RFX1: variants seen among roughly 807,000 people sequenced by gnomAD.
RFX1 encodes the protein regulatory factor X1.
RFX1 carries 42 observed loss-of-function variants against 119.6 expected under a neutral mutation model. That is an observed-to-expected ratio of 0.35 (90% CI 0.27 to 0.45). The LOEUF is 0.45. Ranked by LOEUF, RFX1 falls within the 20% of genes least tolerant of loss-of-function variation. The probability of loss-of-function intolerance (pLI) is 1.00; values close to 1 mark genes in which losing one functional copy is unlikely to be tolerated. For synonymous variants in RFX1, 628 were observed against 618.5 expected (o/e 1.02, Z -0.23); for missense variants, 1,118 against 1,368.1 (o/e 0.82, Z 2.88).
At position 13,993,567 on chromosome 19, in the gene RFX1, G is replaced by C. The variant is rs1974877058; in HGVS notation, c.277C>G (p.Pro93Ala). The stretch of plus-strand genomic sequence containing the variant: ...ATGTACTGCTGGGGTGCAGGCGAAG[G>C]GGTGGGTGCACCGGTTGGCTGCGAG... ...APSQPTGAPT[P>A]SPAPQQYIVV... The change falls in exon 2 of 21, where the codon CCT becomes GCT. Residue 93 changes from proline (P) to alanine (A), a missense_variant. Coordinates refer to ENST00000254325, the MANE Select transcript of RFX1 (RefSeq NM_002918.5). 1 of 1,613,178 alleles carries C rather than the reference G, an allele frequency of 6.2e-7. No individual in the cohort carries two copies. Among genetic ancestry groups the C allele is most frequent in the Non-Finnish European group, 8.5e-7 (1 of 1,179,674 alleles).
At chr19:13,982,815 C>T (rs920594217) in intron 4 of RFX1, among the ~76,000 whole-genome samples, 4 of 152,168 alleles carry the variant, frequency 2.6e-5, no homozygotes, top group East Asian at 1.9e-4. Context: ...CAGTCGGAAA[C>T]GGGTGTGCGC....
rs754463267 is a variant in RFX1, at chr19:13,965,827, C to T, written c.1962-50G>A. The T allele has an allele frequency of 8.2e-6, 13 of 1,592,752 alleles. No individual in the cohort carries two copies. The highest frequency in any genetic ancestry group is 5.1e-5 in the Admixed American group (3 of 59,340). The stretch of plus-strand genomic sequence containing the variant: ...GTCACTGGGGTACTCTATGGTCCTG[C>T]CCCCATCGTCAGAAGGGAACAGGTA... On this transcript the variant is annotated intron_variant, in intron 14 of 20. Coordinates refer to ENST00000254325, the MANE Select transcript of RFX1 (RefSeq NM_002918.5). This position sits in a 1 kb window ranked among gnomAD's most constrained non-coding sequence, Gnocchi z 4.7.
Position 13,983,658 on chromosome 19 carries a change from C to G in RFX1, c.320-63G>C, listed in dbSNP as rs569068003. The G allele has an allele frequency of 2.9e-6, 4 of 1,400,330 alleles. No homozygotes were observed. In the East Asian group the frequency reaches 7.4e-5, roughly 26 times the overall value. The allele number at this position is 1,400,330 out of a possible 1,614,324, so 86.7% of individuals were successfully genotyped here. A position where few individuals can be genotyped will look rare whatever the true frequency, so the allele number is the denominator to read the frequency against. On this transcript the variant is annotated intron_variant, in intron 2 of 20. Transcript: ENST00000254325. ...TCCCTGCCCCCAGCCTAAGCCTGAG[C>G]CCCCCTGGAGGGGAAGATGCAGCCT...
intron 8 of RFX1, among the ~76,000 whole-genome samples, chr19:13,976,771 CGGGA>C (rs1026543182): frequency 2.0e-5 from 3 of 151,996 alleles, no homozygotes; most frequent in Non-Finnish European, 4.4e-5. Flanking sequence ...GAGGCCAAGA[CGGGA>C]GGATCATTTA....
intron 2 of RFX1, among the ~76,000 whole-genome samples, chr19:13,984,232 C>A (rs1294396521): frequency 6.6e-6 from 1 of 151,398 alleles, no homozygotes; most frequent in African/African-American, 2.4e-5. Flanking sequence ...ACCCGCCCCC[C>A]ACCCCGTCCG....
chr19:13,964,282 G>A (rs1973821394), intron 16 of RFX1, among the ~76,000 whole-genome samples: 1 of 151,928 alleles, frequency 6.6e-6, no homozygotes, highest in Non-Finnish European at 1.5e-5. Context: ...ATTGAGACAG[G>A]GTCTCGCCAT....
At chr19:13,981,956 T>C (rs1974442274) in intron 5 of RFX1, among the ~76,000 whole-genome samples, 165 bp downstream of exon 5, 1 of 152,106 alleles carries the variant, frequency 6.6e-6, no homozygotes, top group African/African-American at 2.4e-5. Context: ...CCACCCTACC[T>C]GGGGTCAACA....
chr19:13,961,858 C>A lies in RFX1; in HGVS notation c.*837G>T, dbSNP rs115649319. On this transcript the variant is annotated 3_prime_UTR_variant, in exon 21 of 21. Transcript: ENST00000254325. The stretch of plus-strand genomic sequence containing the variant: ...AACCCAACAAGTTACCAACTCCGCT[C>A]GGGCGGCGCTCACGAATCGCACAAT... The A allele has an allele frequency of 6.6e-6, 1 of 152,452 alleles. No individual in the cohort carries two copies. Among genetic ancestry groups the A allele is most frequent in the South Asian group, 2.1e-4 (1 of 4,830 alleles). The allele number at this position is 152,452 out of a possible 1,614,324, so 9.4% of individuals were successfully genotyped here.
At chr19:13,964,126 G>T in intron 16 of RFX1, 119 bp from the exon 17 acceptor site, 2 of 1,115,204 alleles carry the variant, frequency 1.8e-6, no homozygotes, top group Non-Finnish European at 2.5e-6. Context: ...GGAGGGATGT[G>T]CCTCGCTACT....
chr19:13,988,894 C>A (rs1053947954), intron 2 of RFX1, among the ~76,000 whole-genome samples: 3 of 152,056 alleles, frequency 2.0e-5, no homozygotes, highest in East Asian at 1.9e-4. Context: ...TGGTGGTGCG[C>A]CCCTGTAATC....
chr19:13,963,788 C>A (rs1250290513), intron 17 of RFX1, 42 bp from the exon 18 acceptor site: 5 of 1,498,926 alleles, frequency 3.3e-6, no homozygotes, highest in Admixed American at 2.2e-5. Flanking sequence ...GCTCAGCCGC[C>A]GTCACCCCCG....
At chr19:13,997,910 G>A (rs1359213091) in intron 1 of RFX1, among the ~76,000 whole-genome samples, 7 of 152,030 alleles carry the variant, frequency 4.6e-5, no homozygotes, top group Non-Finnish European at 8.8e-5. Context: ...TGAACAAGGC[G>A]AAGACCATCC....
chr19:14,004,021 GTC>G (rs1219815808), intron 1 of RFX1, among the ~76,000 whole-genome samples: 1 of 152,028 alleles, frequency 6.6e-6, no homozygotes, highest in Non-Finnish European at 1.5e-5. Flanking sequence ...CAATTCTTGT[GTC>G]TCAGCCTCCC....
chr19:13,988,096 G>A (rs995261615), intron 2 of RFX1, among the ~76,000 whole-genome samples: 13 of 147,342 alleles, frequency 8.8e-5, no homozygotes, highest in Non-Finnish European at 1.3e-4. Flanking sequence ...ACATGATCTC[G>A]ACTCACTGCA....
chr19:13,964,148 A>G (rs1428177440), intron 16 of RFX1, 141 bp from the exon 17 acceptor site: 2 of 936,374 alleles, frequency 2.1e-6, no homozygotes, highest in African/African-American at 1.7e-5. Flanking sequence ...TTGTTGGGAC[A>G]CAGAAGGATC....
In RFX1 at chr19:13,965,891, G is replaced by T; in HGVS notation, c.1962-114C>A. 1 of 1,264,942 alleles carries T rather than the reference G, an allele frequency of 7.9e-7. No homozygotes were observed. The highest frequency in any genetic ancestry group is 1.1e-6 in the Non-Finnish European group (1 of 909,262). 78.4% of individuals were successfully genotyped at this position (1,264,942 alleles called of 1,614,324 possible). A position where few individuals can be genotyped will look rare whatever the true frequency, so the allele number is the denominator to read the frequency against. On this transcript the variant is annotated intron_variant, in intron 14 of 20. Transcript: ENST00000254325. The surrounding 1 kb of genome is among the most constrained non-coding windows in gnomAD (Gnocchi z 4.7). Reference sequence around the variant, plus strand: ...ACCCAGGGTCACTGGGGTACTCTGTGGTTCTACCCCCAGCATCAGAAGGCA... The same window carrying T: ...ACCCAGGGTCACTGGGGTACTCTGTTGTTCTACCCCCAGCATCAGAAGGCA...
At chr19:13,974,451 T>C (rs1263038888) in intron 8 of RFX1, among the ~76,000 whole-genome samples, 1 of 152,102 alleles carries the variant, frequency 6.6e-6, no homozygotes, top group African/African-American at 2.4e-5. Flanking sequence ...CTCAAGGGGC[T>C]GTTAAACAAA....
rs778879311 is a variant in RFX1 at position 13,993,829 on chromosome 19, C to T, written c.15G>A (p.Ala5=). 2.0e-5 allele frequency: 32 copies of T among 1,572,968 alleles called. No homozygotes were observed. Among genetic ancestry groups the T allele is most frequent in the East Asian group, 1.9e-4 (8 of 42,560 alleles). MATQ[A]YTELQAAPPP... is the part of the protein sequence containing the mutation. ...GCGGGGCTGCCTGTAGCTCAGTATA[C>T]GCCTGTGTTGCCATGCCAACGGTGG... The change falls in exon 2 of 21, where the codon GCG becomes GCA. Residue 5 remains alanine (A), a synonymous_variant. Transcript: ENST00000254325.
At chr19:13,975,440 G>A (rs1176682895) in intron 8 of RFX1, among the ~76,000 whole-genome samples, 1 of 152,160 alleles carries the variant, frequency 6.6e-6, no homozygotes, top group Non-Finnish European at 1.5e-5. Context: ...CTCTGAAGGT[G>A]GCAGGGGAGG....
Sources: allele counts gnomAD v4.1 joint callset (sites outside exome capture counted in the v4.1 genomes callset), GRCh38; gene constraint gnomAD v4.1.1; non-coding constraint Gnocchi (gnomAD v3.1); transcripts MANE v1.5; gene names NCBI Gene and HGNC (gene_info 2026-07-23, HGNC 2026-07-21).